MRPL45: variants seen among roughly 807,000 people sequenced by gnomAD.
MRPL45 encodes mitochondrial ribosomal protein L45.
Under a neutral mutation model 38.1 loss-of-function variants are expected in MRPL45, and 20 were observed. That is an observed-to-expected ratio of 0.53 (90% CI 0.37 to 0.76). The LOEUF is 0.76. Among genes scored for constraint, MRPL45 ranks in the 30% least tolerant of loss-of-function variants. The pLI is 0.00. For synonymous variants in MRPL45, 105 were observed against 128.8 expected (o/e 0.82, Z 1.25); for missense variants, 337 against 395.6 (o/e 0.85, Z 1.26).
intron 3 of MRPL45, among the ~76,000 whole-genome samples, chr17:38,306,062 G>C (rs1256854099): frequency 6.6e-6 from 1 of 152,028 alleles, no homozygotes; most frequent in East Asian, 1.9e-4. Flanking sequence ...TCTTTCTTTA[G>C]AGTGCTTAAT....
intron 1 of MRPL45, among the ~76,000 whole-genome samples, chr17:38,297,785 A>T (rs1034048416): frequency 1.3e-5 from 2 of 152,074 alleles, no homozygotes; most frequent in Non-Finnish European, 2.9e-5. Context: ...CTACAAGAGG[A>T]CTTTGCTTAT....
intron 7 of MRPL45, 39 bp downstream of exon 7, chr17:38,322,338 ACTC>A (rs1275811740): frequency 1.9e-6 from 3 of 1,582,354 alleles, no homozygotes; most frequent in Admixed American, 3.5e-5. Flanking sequence ...CTGAGGCACT[ACTC>A]GTGGTCTCCT....
intron 4 of MRPL45, among the ~76,000 whole-genome samples, chr17:38,308,904 CT>C (rs2037080459): frequency 6.8e-6 from 1 of 147,734 alleles, no homozygotes; most frequent in African/African-American, 2.5e-5. Context: ...ACTTTGTGTG[CT>C]TTTATTTATG....
intron 3 of MRPL45, among the ~76,000 whole-genome samples, chr17:38,305,328 G>T (rs934405701): frequency 1.4e-5 from 2 of 142,510 alleles, no homozygotes; most frequent in African/African-American, 5.0e-5. Flanking sequence ...TTAGGCGGGC[G>T]GGGTGATGTG....
chr17:38,306,683 T>C, intron 4 of MRPL45, 52 bp downstream of exon 4: 1 of 1,597,830 alleles, frequency 6.3e-7, no homozygotes, highest in Non-Finnish European at 8.5e-7. Context: ...TTAGCTATTA[T>C]TTTAGGCACA....
At chr17:38,306,129 G>C (rs902125681) in intron 3 of MRPL45, among the ~76,000 whole-genome samples, 10 of 151,804 alleles carry the variant, frequency 6.6e-5, no homozygotes, top group African/African-American at 2.2e-4. Context: ...TCAATTATTG[G>C]CCGGGCGTGG....
intron 4 of MRPL45, among the ~76,000 whole-genome samples, chr17:38,313,297 TAAAAAAAA>T (rs879236168): frequency 5.4e-5 from 1 of 18,528 alleles, no homozygotes; most frequent in African/African-American, 1.3e-4. Flanking sequence ...TCCTTTCTAT[TAAAAAAAA>T]AAAAAAATAT....
chr17:38,310,858 A>G (rs1156390353), intron 4 of MRPL45, among the ~76,000 whole-genome samples: 1 of 152,042 alleles, frequency 6.6e-6, no homozygotes, highest in Non-Finnish European at 1.5e-5. Context: ...TCTGGCCTCA[A>G]GCAGTCCTCT....
chr17:38,313,171 AGATGGGGTTTCATGTGTTAGCCAG>A, intron 4 of MRPL45, among the ~76,000 whole-genome samples: 1 of 149,444 alleles, frequency 6.7e-6, no homozygotes, highest in Middle Eastern at 3.5e-3. Context: ...TTTTTAGTAG[AGATGGGGTTTCATGTGTTAGCCAG>A]GATGGTCTCA....
chr17:38,305,744 G>A (rs1424830335), intron 3 of MRPL45, among the ~76,000 whole-genome samples: 1 of 150,906 alleles, frequency 6.6e-6, no homozygotes, highest in Non-Finnish European at 1.5e-5. Context: ...CTGGGTTCAA[G>A]CGATTCTTGT....
At chr17:38,310,882 T>C (rs1196019326) in intron 4 of MRPL45, among the ~76,000 whole-genome samples, 1 of 152,216 alleles carries the variant, frequency 6.6e-6, no homozygotes, top group Non-Finnish European at 1.5e-5. Flanking sequence ...CCTCCCAAAG[T>C]GTTGGTACAG....
Position 38,302,834 on chromosome 17 carries a change from C to G in MRPL45, c.362+3366C>G, listed in dbSNP as rs1230878633. 6.5e-3 allele frequency among the ~76,000 whole-genome samples: 966 copies of G among 149,250 alleles called. 4 individuals carry two copies. The highest frequency in any genetic ancestry group is 9.8e-3 in the Non-Finnish European group (661 of 67,154). On this transcript the variant is annotated intron_variant, in intron 3 of 7. Coordinates refer to ENST00000613675, the MANE Select transcript of MRPL45 (RefSeq NM_032351.6). ...CTGCCTCCCAGGTTCAAGTGATTCT[C>G]CTGCCTCAGCCTCCCGAGTAGCTGA...
At chr17:38,320,548 C>T (rs1201502864) in intron 5 of MRPL45, 70 bp from the exon 6 acceptor site, 4 of 1,517,786 alleles carry the variant, frequency 2.6e-6, no homozygotes, top group African/African-American at 1.4e-5. Flanking sequence ...GAAGTGAGAG[C>T]AGTGTGGCAG....
Position 38,318,822 on chromosome 17 carries a change from CTTTTCT to C in MRPL45, c.510+92_510+97del, listed in dbSNP as rs1206486867. On this transcript the variant is annotated intron_variant, in intron 5 of 7. Coordinates refer to ENST00000613675, the MANE Select transcript of MRPL45 (RefSeq NM_032351.6). Reference sequence around the variant, plus strand: ...TCTGGTTTTTCTTTTCTTTTCTTTTCTTTTCTTTTTTTTTTTTTTTTTGAGACAGAG... The same window carrying C: ...TCTGGTTTTTCTTTTCTTTTCTTTTCTTTTTTTTTTTTTTTTGAGACAGAG... 3,132 of 577,388 alleles carry C rather than the reference CTTTTCT, an allele frequency of 5.4e-3. 3 individuals are homozygous for C. The highest frequency in any genetic ancestry group is 0.012 in the South Asian group (620 of 51,956). 35.8% of individuals were successfully genotyped at this position (577,388 alleles called of 1,614,324 possible).
chr17:38,309,621 T>A (rs1458467238), intron 4 of MRPL45, among the ~76,000 whole-genome samples: 1 of 35,482 alleles, frequency 2.8e-5, no homozygotes, highest in African/African-American at 5.7e-5. Flanking sequence ...ATTTTTATTT[T>A]TATTTTTTAG....
intron 4 of MRPL45, among the ~76,000 whole-genome samples, chr17:38,310,610 T>C (rs1042959172): frequency 2.2e-4 from 33 of 152,122 alleles, no homozygotes; most frequent in African/African-American, 7.5e-4. Flanking sequence ...ATTACAGGCA[T>C]GAGCCACTGC....
intron 7 of MRPL45, 63 bp downstream of exon 7, chr17:38,322,362 G>T: frequency 6.3e-7 from 1 of 1,575,058 alleles, no homozygotes; most frequent in South Asian, 1.1e-5. Flanking sequence ...AAGCCACTCT[G>T]TCGGGCTCCA....
At position 38,302,851 on chromosome 17, in the gene MRPL45, A is replaced by G. The variant is rs2037012679; in HGVS notation, c.362+3383A>G. ...GTGATTCTCCTGCCTCAGCCTCCCG[A>G]GTAGCTGAGACTACAGGTGTGCGCC... On this transcript the variant is annotated intron_variant, in intron 3 of 7. Transcript: ENST00000613675. 2.0e-5 allele frequency among the ~76,000 whole-genome samples: 3 copies of G among 148,912 alleles called. No homozygotes were observed. In the South Asian group the frequency reaches 6.5e-4, roughly 32 times the overall value.
intron 4 of MRPL45, among the ~76,000 whole-genome samples, chr17:38,317,504 T>C (rs2037185775): frequency 6.6e-6 from 1 of 152,186 alleles, no homozygotes; most frequent in African/African-American, 2.4e-5. Context: ...ACTCATCAGC[T>C]AGGAACCCTC....
Sources: allele counts gnomAD v4.1 joint callset (sites outside exome capture counted in the v4.1 genomes callset), GRCh38; gene constraint gnomAD v4.1.1; transcripts MANE v1.5; gene names NCBI Gene and HGNC (gene_info 2026-07-23, HGNC 2026-07-21).